Variants in LRRTM4 observed in about 807,000 individuals in gnomAD.
LRRTM4 encodes leucine rich repeat transmembrane neuronal 4.
LRRTM4 carries 25 observed loss-of-function variants against 47.6 expected under a neutral mutation model. The ratio of observed to expected loss-of-function variants is 0.53; its 90% CI spans 0.38 to 0.73. The LOEUF is 0.73. Among genes scored for constraint, LRRTM4 ranks in the 30% least tolerant of loss-of-function variants. The pLI is 0.00. For missense variants in LRRTM4, 638 were observed against 713.4 expected (o/e 0.89, Z 1.20); for synonymous variants, 311 against 269.5 (o/e 1.15, Z -1.51).
intron 3 of LRRTM4, among the ~76,000 whole-genome samples, chr2:77,207,928 G>C (rs1461919586): frequency 1.5e-5 from 2 of 133,518 alleles, no homozygotes; most frequent in East Asian, 2.2e-4. Flanking sequence ...ACCCAGGCTG[G>C]AGTGCAATGC....
chr2:77,274,404 G>C (rs546593999), intron 3 of LRRTM4, among the ~76,000 whole-genome samples: 142 of 152,212 alleles, frequency 9.3e-4, no homozygotes, highest in African/African-American at 3.1e-3. Context: ...ATGGTGTTTG[G>C]ATGATAAATT....
intron 3 of LRRTM4, among the ~76,000 whole-genome samples, chr2:77,374,109 AAAT>A (rs1315425807): frequency 2.0e-5 from 3 of 151,774 alleles, no homozygotes; most frequent in African/African-American, 4.8e-5. Context: ...TGCTGCATAA[AAAT>A]AAAAAATTTC....
intron 3 of LRRTM4, among the ~76,000 whole-genome samples, chr2:77,227,172 G>A (rs925845096): frequency 6.6e-6 from 1 of 151,946 alleles, no homozygotes; most frequent in African/African-American, 2.4e-5. Context: ...TTTTATAAGT[G>A]TTAGCAGCAA....
chr2:77,056,105 G>A (rs1289349124), intron 3 of LRRTM4, among the ~76,000 whole-genome samples: 1 of 151,030 alleles, frequency 6.6e-6, no homozygotes, highest in African/African-American at 2.4e-5. Context: ...ACGAGTTAAT[G>A]GGTGCAGCAC....
At chr2:77,106,907 A>G (rs1409276465) in intron 3 of LRRTM4, among the ~76,000 whole-genome samples, 4 of 152,010 alleles carry the variant, frequency 2.6e-5, no homozygotes, top group African/African-American at 9.7e-5. Flanking sequence ...AGATTCTTAG[A>G]CATGTAGAGA....
At chr2:77,299,979 G>A (rs1300422107) in intron 3 of LRRTM4, among the ~76,000 whole-genome samples, 3 of 151,500 alleles carry the variant, frequency 2.0e-5, no homozygotes, top group Non-Finnish European at 4.4e-5. Flanking sequence ...AGCCTGCGGA[G>A]TAACTGGGAC....
At chr2:77,307,611 ATCT>A (rs1677320965) in intron 3 of LRRTM4, among the ~76,000 whole-genome samples, 1 of 97,908 alleles carries the variant, frequency 1.0e-5, no homozygotes, top group Non-Finnish European at 1.8e-5. Flanking sequence ...ATATAGATAT[ATCT>A]ATATATTATA....
chr2:77,067,424 G>A (rs1679991571), intron 3 of LRRTM4, among the ~76,000 whole-genome samples: 1 of 151,838 alleles, frequency 6.6e-6, no homozygotes, highest in Non-Finnish European at 1.5e-5. Context: ...TAGGATCATT[G>A]GGCACCTACA....
At chr2:76,828,757 T>G (rs1517774) in intron 3 of LRRTM4, among the ~76,000 whole-genome samples, 2 of 151,630 alleles carry the variant, frequency 1.3e-5, no homozygotes, top group African/African-American at 4.8e-5. Context: ...ATTCATCTTC[T>G]GTCTCCCAGC....
chr2:77,044,837 G>A (rs1184480212), intron 3 of LRRTM4, among the ~76,000 whole-genome samples: 2 of 151,570 alleles, frequency 1.3e-5, no homozygotes, highest in African/African-American at 4.8e-5. Context: ...ATGCATGTAG[G>A]TGGCACAAAT....
intron 3 of LRRTM4, among the ~76,000 whole-genome samples, chr2:76,970,726 A>G (rs1676189786): frequency 6.6e-6 from 1 of 152,056 alleles, no homozygotes; most frequent in Non-Finnish European, 1.5e-5. Context: ...AGCTGTAGCA[A>G]TGTAATTAGA....
intron 3 of LRRTM4, among the ~76,000 whole-genome samples, chr2:77,320,983 A>T (rs1677770953): frequency 6.6e-6 from 1 of 152,108 alleles, no homozygotes; most frequent in African/African-American, 2.4e-5. Context: ...TGAGATTTGC[A>T]AGTACACATG....
intron 3 of LRRTM4, among the ~76,000 whole-genome samples, chr2:77,454,917 G>A (rs1379707247): frequency 6.6e-6 from 1 of 152,044 alleles, no homozygotes; most frequent in Non-Finnish European, 1.5e-5. Flanking sequence ...GCCAGGAGCG[G>A]TGGCTCTCGC....
At chr2:76,854,404 G>A (rs1307778494) in intron 3 of LRRTM4, among the ~76,000 whole-genome samples, 1 of 151,998 alleles carries the variant, frequency 6.6e-6, no homozygotes, top group African/African-American at 2.4e-5. Flanking sequence ...CCACTGAGGT[G>A]GTAGTCATCT....
At chr2:76,990,665 C>A (rs1005362529) in intron 3 of LRRTM4, among the ~76,000 whole-genome samples, 1 of 151,668 alleles carries the variant, frequency 6.6e-6, no homozygotes, top group African/African-American at 2.4e-5. Context: ...AGGTCTAGAC[C>A]TACAAAAAGA....
At chr2:77,100,338 A>G (rs1431566445) in intron 3 of LRRTM4, among the ~76,000 whole-genome samples, 1 of 152,192 alleles carries the variant, frequency 6.6e-6, no homozygotes, top group Non-Finnish European at 1.5e-5. Flanking sequence ...GCAACTAACA[A>G]TGTAAAAATT....
chr2:77,459,759 CAA>C (rs59472827), intron 3 of LRRTM4, among the ~76,000 whole-genome samples: 24,760 of 126,336 alleles, frequency 0.2, 2,124 homozygotes, highest in South Asian at 0.35. Flanking sequence ...CTGGTTTTAG[CAA>C]AAAAAAAAAA....
At chr2:77,425,294 C>G (rs1474646255) in intron 3 of LRRTM4, among the ~76,000 whole-genome samples, 1 of 152,072 alleles carries the variant, frequency 6.6e-6, no homozygotes, top group African/African-American at 2.4e-5. Flanking sequence ...ATTTCTCAGC[C>G]TAGTCATTAA....
intron 3 of LRRTM4, among the ~76,000 whole-genome samples, chr2:76,979,238 ATGAG>A (rs1676515818): frequency 6.6e-6 from 1 of 152,042 alleles, no homozygotes; most frequent in Admixed American, 6.6e-5. Flanking sequence ...GGAATTCTGC[ATGAG>A]TAAGTGTACA....
Sources: allele counts gnomAD v4.1 joint callset (sites outside exome capture counted in the v4.1 genomes callset), GRCh38; gene constraint gnomAD v4.1.1; transcripts MANE v1.5; gene names NCBI Gene and HGNC (gene_info 2026-07-23, HGNC 2026-07-21).